Variants in BCAT1 observed in about 807,000 individuals in gnomAD.
BCAT1 encodes the protein branched-chain-amino-acid aminotransferase, cytosolic.
Under a neutral mutation model 52.4 loss-of-function variants are expected in BCAT1, and 48 were observed. That is an observed-to-expected ratio of 0.92 (90% CI 0.73 to 1.16). The LOEUF is 1.16. Ranked by LOEUF, BCAT1 falls within the 50% of genes most tolerant of loss-of-function variation. BCAT1 has a pLI of 0.00. For missense variants in BCAT1, 451 were observed against 457.1 expected (o/e 0.99, Z 0.12); for synonymous variants, 167 against 161.3 (o/e 1.04, Z -0.27).
At chr12:24,883,971 A>G (rs1942582799) in intron 3 of BCAT1, among the ~76,000 whole-genome samples, 1 of 152,162 alleles carries the variant, frequency 6.6e-6, no homozygotes, top group Admixed American at 6.5e-5. Flanking sequence ...CAGGCCACAC[A>G]TACCACTGCT....
At chr12:24,887,053 A>C (rs2139621440) in intron 3 of BCAT1, among the ~76,000 whole-genome samples, 1 of 109,306 alleles carries the variant, frequency 9.1e-6, no homozygotes, top group African/African-American at 3.4e-5. Context: ...AACGAGAGAG[A>C]TGCTAGCTAA....
chr12:24,863,446 A>G (rs1353542458), intron 5 of BCAT1, among the ~76,000 whole-genome samples: 2 of 152,260 alleles, frequency 1.3e-5, no homozygotes, highest in Non-Finnish European at 2.9e-5. Context: ...TCAACACTCA[A>G]CGTTTGAAGA....
intron 7 of BCAT1, among the ~76,000 whole-genome samples, chr12:24,838,528 C>T (rs1007820581): frequency 6.6e-6 from 1 of 151,876 alleles, no homozygotes; most frequent in African/African-American, 2.4e-5. Flanking sequence ...CACACACACA[C>T]ACTTCCAGTG....
At chr12:24,941,474 T>C (rs757303723) in intron 1 of BCAT1, among the ~76,000 whole-genome samples, 1 of 152,242 alleles carries the variant, frequency 6.6e-6, no homozygotes, top group Non-Finnish European at 1.5e-5. Flanking sequence ...TGTGGAAAGA[T>C]GTATGTGCCA....
At chr12:24,899,341 CCA>C (rs1444597151) in intron 2 of BCAT1, among the ~76,000 whole-genome samples, 1 of 152,000 alleles carries the variant, frequency 6.6e-6, no homozygotes, top group South Asian at 2.1e-4. Flanking sequence ...TCAAAAGCAA[CCA>C]CAGTTAGAAT....
At chr12:24,882,614 CAG>C (rs1209786956) in intron 3 of BCAT1, among the ~76,000 whole-genome samples, 2 of 147,938 alleles carry the variant, frequency 1.4e-5, no homozygotes, top group Admixed American at 6.8e-5. Flanking sequence ...TTTTTTGAGA[CAG>C]AGTTGTTTTT....
At chr12:24,845,058 T>C (rs942763897) in intron 6 of BCAT1, among the ~76,000 whole-genome samples, 3 of 146,484 alleles carry the variant, frequency 2.0e-5, no homozygotes, top group Non-Finnish European at 4.5e-5. Context: ...ACCAAAAATA[T>C]AAAAAACTAG....
Position 24,845,343 on chromosome 12 carries a change from A to T in BCAT1, c.675-3119T>A, listed in dbSNP as rs182159792. Among the ~76,000 whole-genome samples the T allele has an allele frequency of 3.1e-3, 477 of 152,302 alleles. 1 individual carries two copies. Among genetic ancestry groups the T allele is most frequent in the Non-Finnish European group, 5.1e-3 (350 of 68,020 alleles). ...TCTGGTATACAGATAGGAAGCTATTAAAAAAACAATAAAATAAATAAAAAT... is the reference window on the plus strand; with the variant it reads ...TCTGGTATACAGATAGGAAGCTATTTAAAAAACAATAAAATAAATAAAAAT... On this transcript the variant is annotated intron_variant, in intron 6 of 10. Coordinates refer to ENST00000261192, the MANE Select transcript of BCAT1 (RefSeq NM_005504.7).
intron 10 of BCAT1, among the ~76,000 whole-genome samples, chr12:24,828,297 G>A (rs189809149): frequency 4.1e-4 from 62 of 152,270 alleles, no homozygotes; most frequent in African/African-American, 1.4e-3. Context: ...GCAAATTACA[G>A]GATAATCTCT....
At chr12:24,842,419 T>C (rs1363370528) in intron 6 of BCAT1, among the ~76,000 whole-genome samples, 195 bp from the exon 7 acceptor site, 1 of 152,188 alleles carries the variant, frequency 6.6e-6, no homozygotes, top group African/African-American at 2.4e-5. Context: ...GTGATTTAAC[T>C]GCATTCATTG....
Position 24,894,285 on chromosome 12 carries a change from T to A in BCAT1, c.269A>T (p.Tyr90Phe). Residue 90 changes from tyrosine (Y) to phenylalanine (F), a missense_variant, in exon 3 of 11, where the codon TAT becomes TTT. Tyr to Phe is a conservative substitution (Grantham distance 22, BLOSUM62 3). Coordinates refer to ENST00000261192, the MANE Select transcript of BCAT1 (RefSeq NM_005504.7). ...TTCCCATGTACTTACTTCCACTGCATAGTGCAAAGCTGATGAGCCAGGGTG... is the reference window on the plus strand; with the variant it reads ...TTCCCATGTACTTACTTCCACTGCAAAGTGCAAAGCTGATGAGCCAGGGTG... ...SLHPGSSALHYAVELFEGLKA... is the reference protein window; with the variant it reads ...SLHPGSSALHFAVELFEGLKA... 1.2e-6 allele frequency: 2 copies of A among 1,613,928 alleles called. No individual in the cohort carries two copies. The highest frequency in any genetic ancestry group is 1.7e-6 in the Non-Finnish European group (2 of 1,179,848).
intron 6 of BCAT1, among the ~76,000 whole-genome samples, chr12:24,844,792 G>A (rs1941286349): frequency 6.6e-6 from 1 of 150,414 alleles, no homozygotes; most frequent in Non-Finnish European, 1.5e-5. Context: ...AGCTACTCGG[G>A]AGGCTGAGGC....
At chr12:24,861,719 A>G (rs545120306) in intron 5 of BCAT1, among the ~76,000 whole-genome samples, 1 of 152,206 alleles carries the variant, frequency 6.6e-6, no homozygotes, top group Non-Finnish European at 1.5e-5. Context: ...CATCTTGAAT[A>G]GGGGATAGAT....
At chr12:24,866,438 T>G (rs1942013475) in intron 5 of BCAT1, among the ~76,000 whole-genome samples, 1 of 152,108 alleles carries the variant, frequency 6.6e-6, no homozygotes, top group Admixed American at 6.5e-5. Context: ...CCACCCCCAC[T>G]CCACAGTGCC....
chr12:24,847,641 G>A (rs1292271101), intron 6 of BCAT1, among the ~76,000 whole-genome samples: 2 of 152,158 alleles, frequency 1.3e-5, no homozygotes, highest in African/African-American at 2.4e-5. Flanking sequence ...GTGACAGAAA[G>A]CCTTATTCCT....
In BCAT1 at chr12:24,811,237, T is replaced by C. The variant is rs1178752196; in HGVS notation, c.*6771A>G. The C allele has an allele frequency of 3.3e-5, 5 of 152,202 alleles. No homozygotes were observed. The highest frequency in any genetic ancestry group is 7.4e-5 in the Non-Finnish European group (5 of 68,018). The allele number at this position is 152,202 out of a possible 1,614,324, so 9.4% of individuals were successfully genotyped here. A position where few individuals can be genotyped will look rare whatever the true frequency, so the allele number is the denominator to read the frequency against. On this transcript the variant is annotated 3_prime_UTR_variant, in exon 11 of 11. Transcript: ENST00000261192. ...GTGTGCTCAATTCTCTCTGTGTCAT[T>C]TTGGTGTAAAAATACTATCCTACAT...
At chr12:24,832,981 C>T (rs1940750513) in intron 8 of BCAT1, 118 bp from the exon 9 acceptor site, 1 of 1,127,290 alleles carries the variant, frequency 8.9e-7, no homozygotes, top group South Asian at 1.7e-5. Context: ...CACAATCATC[C>T]TTTAAGGGAA....
chr12:24,900,807 T>G (rs1004400366), intron 2 of BCAT1, among the ~76,000 whole-genome samples: 1 of 152,134 alleles, frequency 6.6e-6, no homozygotes, highest in South Asian at 2.1e-4. Context: ...GGCACATGCC[T>G]GTAATCTCAG....
intron 1 of BCAT1, among the ~76,000 whole-genome samples, chr12:24,939,328 G>A (rs1316934148): frequency 6.6e-6 from 1 of 152,170 alleles, no homozygotes; most frequent in African/African-American, 2.4e-5. Context: ...CTTAGCCATT[G>A]TTTGCTGGTC....
Sources: gnomAD v4.1 joint callset for allele counts (sites outside exome capture counted in the v4.1 genomes callset) on GRCh38, gnomAD v4.1.1 for gene constraint, MANE v1.5 for transcripts, NCBI Gene and HGNC (gene_info 2026-07-23, HGNC 2026-07-21) for gene names.